The following FGF14 variants were observed in gnomAD, a reference collection of about 807,000 sequenced individuals.
FGF14 encodes fibroblast growth factor 14.
A neutral mutation model predicts 25.5 loss-of-function variants in FGF14; 5 were observed. That is an observed-to-expected ratio of 0.20 (90% confidence interval 0.10 to 0.41). FGF14 has a LOEUF of 0.41. FGF14 is among the 10% of genes least tolerant of loss of function. The probability of loss-of-function intolerance (pLI) is 1.00; values close to 1 mark genes in which losing one functional copy is unlikely to be tolerated. For synonymous variants in FGF14, 138 were observed against 118.3 expected (o/e 1.17, Z -1.08); for missense variants, 222 against 320.1 (o/e 0.69, Z 2.34).
chr13:102,302,019 C>T (rs1375150247), intron 1 of FGF14, among the ~76,000 whole-genome samples: 1 of 152,072 alleles, frequency 6.6e-6, no homozygotes, highest in South Asian at 2.1e-4. Context: ...TCAAAATGTC[C>T]ACACTTTTAG....
intron 3 of FGF14, among the ~76,000 whole-genome samples, chr13:101,775,190 T>C (rs908448641): frequency 6.6e-6 from 1 of 152,026 alleles, no homozygotes; most frequent in African/African-American, 2.4e-5. Flanking sequence ...TGCACACACA[T>C]GAAAAACACA....
At chr13:101,740,403 G>T (rs1401906404) in intron 3 of FGF14, among the ~76,000 whole-genome samples, 1 of 152,140 alleles carries the variant, frequency 6.6e-6, no homozygotes, top group African/African-American at 2.4e-5. Flanking sequence ...TAAGAATTCT[G>T]GTTTGTCCAT....
At chr13:102,360,749 C>G (rs1158657560) in intron 1 of FGF14, among the ~76,000 whole-genome samples, 3 of 152,122 alleles carry the variant, frequency 2.0e-5, no homozygotes, top group African/African-American at 7.2e-5. Flanking sequence ...TGTCTGAGAA[C>G]ACTTCTTAGA....
At chr13:102,331,638 T>C (rs765856494) in intron 1 of FGF14, among the ~76,000 whole-genome samples, 42 of 152,196 alleles carry the variant, frequency 2.8e-4, no homozygotes, top group Admixed American at 7.2e-4. Context: ...TCATGCCATC[T>C]TTAAGAACAA....
At chr13:102,100,975 T>C (rs1231728331) in intron 1 of FGF14, among the ~76,000 whole-genome samples, 2 of 152,276 alleles carry the variant, frequency 1.3e-5, no homozygotes, top group East Asian at 3.9e-4. Flanking sequence ...GGTGGGTGCC[T>C]GTAATCCCAG....
chr13:101,969,405 TA>T (rs778708506), intron 1 of FGF14, among the ~76,000 whole-genome samples: 6 of 151,306 alleles, frequency 4.0e-5, no homozygotes, highest in East Asian at 1.9e-4. Context: ...CTACTAAAAA[TA>T]ACAAAAAAAA....
intron 1 of FGF14, among the ~76,000 whole-genome samples, chr13:101,942,292 C>T (rs2035502253): frequency 6.6e-6 from 1 of 152,070 alleles, no homozygotes; most frequent in Non-Finnish European, 1.5e-5. Context: ...TTTAGTGTCT[C>T]AGGAAATGCC....
At chr13:102,029,815 A>C (rs2041120245) in intron 1 of FGF14, among the ~76,000 whole-genome samples, 1 of 152,140 alleles carries the variant, frequency 6.6e-6, no homozygotes, top group Non-Finnish European at 1.5e-5. Context: ...ATTTAGTAAG[A>C]ATGGTGGGAA....
chr13:102,387,804 T>C (rs1015184463), intron 1 of FGF14, among the ~76,000 whole-genome samples: 1 of 152,154 alleles, frequency 6.6e-6, no homozygotes, highest in Non-Finnish European at 1.5e-5. Flanking sequence ...CAATCTCGGC[T>C]CACTGCAACC....
intron 1 of FGF14, among the ~76,000 whole-genome samples, chr13:101,891,754 A>G (rs1157785730): frequency 6.6e-6 from 1 of 152,178 alleles, no homozygotes; most frequent in African/African-American, 2.4e-5. Context: ...ATAAAATTAG[A>G]AACTTAACCC....
At chr13:102,383,912 A>C (rs1194476990) in intron 1 of FGF14, among the ~76,000 whole-genome samples, 2 of 152,130 alleles carry the variant, frequency 1.3e-5, no homozygotes, top group Admixed American at 1.3e-4. Flanking sequence ...TGTTACAAAA[A>C]ATTTTAATAT....
intron 1 of FGF14, among the ~76,000 whole-genome samples, chr13:102,014,168 C>A (rs747683950): frequency 1.1e-4 from 17 of 151,824 alleles, no homozygotes; most frequent in Non-Finnish European, 2.4e-4. Flanking sequence ...ATTCATAGTA[C>A]CTGAACTGAA....
At chr13:102,250,205 T>C (rs1307970665) in intron 1 of FGF14, among the ~76,000 whole-genome samples, 1 of 152,120 alleles carries the variant, frequency 6.6e-6, no homozygotes, top group African/African-American at 2.4e-5. Context: ...TTACCTACAC[T>C]GTGCCCTATC....
chr13:102,251,513 C>T (rs2052172112), intron 1 of FGF14, among the ~76,000 whole-genome samples: 1 of 152,262 alleles, frequency 6.6e-6, no homozygotes, highest in African/African-American at 2.4e-5. Flanking sequence ...GCATTTCCTT[C>T]ATCCTGAGGA....
chr13:101,861,846 C>T (rs1452601258), intron 3 of FGF14, among the ~76,000 whole-genome samples: 1 of 152,124 alleles, frequency 6.6e-6, no homozygotes, highest in Non-Finnish European at 1.5e-5. Flanking sequence ...ATTCGGATAA[C>T]TGCGGTAGAT....
At chr13:102,172,606 C>T (rs984618587) in intron 1 of FGF14, among the ~76,000 whole-genome samples, 1 of 152,128 alleles carries the variant, frequency 6.6e-6, no homozygotes, top group Non-Finnish European at 1.5e-5. Context: ...ATTACCTCAT[C>T]TCTTAAGAAT....
chr13:102,292,898 A>C (rs1482817016), intron 1 of FGF14: 2 of 152,186 alleles, frequency 1.3e-5, no homozygotes, highest in African/African-American at 4.8e-5. Flanking sequence ...AAGTCACAGC[A>C]CTTTGTGCAG....
intron 1 of FGF14, among the ~76,000 whole-genome samples, chr13:101,904,332 G>T (rs2031967824): frequency 6.6e-6 from 1 of 151,976 alleles, no homozygotes; most frequent in Non-Finnish European, 1.5e-5. Flanking sequence ...CAAAATGCAG[G>T]TGAAATTTGG....
chr13:102,175,252 A>C (rs576734324), intron 1 of FGF14, among the ~76,000 whole-genome samples: 2 of 152,288 alleles, frequency 1.3e-5, no homozygotes, highest in African/African-American at 4.8e-5. Context: ...AGACACATAG[A>C]TCAGTGGATC....
Sources: gnomAD v4.1 joint callset for allele counts (sites outside exome capture counted in the v4.1 genomes callset) on GRCh38, gnomAD v4.1.1 for gene constraint, MANE v1.5 for transcripts, NCBI Gene and HGNC (gene_info 2026-07-23, HGNC 2026-07-21) for gene names.